PKNOX2: variants seen among roughly 807,000 people sequenced by gnomAD.
The protein encoded by PKNOX2 is PBX/knotted 1 homeobox 2, also known as homeobox protein PKNOX2.
A neutral mutation model predicts 53.1 loss-of-function variants in PKNOX2; 14 were observed. That is an observed-to-expected ratio of 0.26 (90% confidence interval 0.17 to 0.41). The LOEUF is 0.41. Among genes scored for constraint, PKNOX2 ranks in the 10% least tolerant of loss-of-function variants. The pLI is 1.00. For missense variants in PKNOX2, 496 were observed against 602.8 expected, an observed-to-expected ratio of 0.82 and a Z score of 1.85; for synonymous variants, 257 against 242.8, an observed-to-expected ratio of 1.06 and a Z score of -0.54.
intron 2 of PKNOX2, among the ~76,000 whole-genome samples, chr11:125,316,317 T>C (rs1949190297): frequency 6.6e-6 from 1 of 152,204 alleles, no homozygotes; most frequent in African/African-American, 2.4e-5. Flanking sequence ...TGTGGCCTTC[T>C]ATGCACTGGG....
At chr11:125,317,730 G>A (rs532903977) in intron 2 of PKNOX2, among the ~76,000 whole-genome samples, 3,391 of 152,224 alleles carry the variant, frequency 0.022, 127 homozygotes, top group African/African-American at 0.075. Flanking sequence ...AGCAGATTTA[G>A]CATCATTCTT....
intron 2 of PKNOX2, among the ~76,000 whole-genome samples, chr11:125,241,916 T>C (rs981576217): frequency 6.6e-6 from 1 of 151,938 alleles, no homozygotes; most frequent in African/African-American, 2.4e-5. Context: ...GAAGGATGAA[T>C]GTATGATTCA....
At chr11:125,262,331 G>C (rs1005619474) in intron 2 of PKNOX2, among the ~76,000 whole-genome samples, 1 of 152,186 alleles carries the variant, frequency 6.6e-6, no homozygotes, top group African/African-American at 2.4e-5. Context: ...AAGGACGCTT[G>C]TGTTCTGGCA....
chr11:125,392,180 A>ATGTT (rs1286007679), intron 6 of PKNOX2, among the ~76,000 whole-genome samples: 1 of 152,268 alleles, frequency 6.6e-6, no homozygotes, highest in Non-Finnish European at 1.5e-5. Flanking sequence ...TTTATAAAGC[A>ATGTT]TGTTTACATC....
chr11:125,286,544 C>T (rs1946910330), intron 2 of PKNOX2, among the ~76,000 whole-genome samples: 1 of 152,216 alleles, frequency 6.6e-6, no homozygotes, highest in Admixed American at 6.5e-5. Flanking sequence ...CCCCTTGGCC[C>T]TATGCCACCC....
chr11:125,381,806 G>C (rs576304953), intron 5 of PKNOX2, among the ~76,000 whole-genome samples: 2 of 152,310 alleles, frequency 1.3e-5, no homozygotes, highest in South Asian at 4.1e-4. Flanking sequence ...GCTCATTCCT[G>C]TCTCAAATGC....
intron 7 of PKNOX2, 55 bp from the exon 8 acceptor site, chr11:125,410,141 G>A: frequency 1.3e-6 from 2 of 1,595,676 alleles, no homozygotes; most frequent in Middle Eastern, 1.7e-4. Context: ...CTCTGGGGCT[G>A]TAGGGTCTAA....
At chr11:125,191,437 G>C (rs1956872748) in intron 1 of PKNOX2, 1 of 152,242 alleles carries the variant, frequency 6.6e-6, no homozygotes, top group Non-Finnish European at 1.5e-5. Context: ...ACGTCCAAGA[G>C]GTGCAAACTT....
intron 1 of PKNOX2, among the ~76,000 whole-genome samples, chr11:125,206,562 G>A (rs900335556): frequency 7.9e-5 from 12 of 152,082 alleles, no homozygotes; most frequent in African/African-American, 2.9e-4. Flanking sequence ...CCCCTGAAGA[G>A]GCAGCATGAA....
In PKNOX2 at chr11:125,308,537, G is replaced by C. The variant is rs1948604876; in HGVS notation, c.-129-23282G>C. ...AGCAGCTCCCCGGAATGCAGGGCCAGATTTATTACACCAGCAAAGGAGATG... is the reference window on the plus strand; with the variant it reads ...AGCAGCTCCCCGGAATGCAGGGCCACATTTATTACACCAGCAAAGGAGATG... On this transcript the variant is annotated intron_variant, in intron 2 of 12. Coordinates refer to ENST00000298282, the MANE Select transcript of PKNOX2 (RefSeq NM_001382323.2). Among the ~76,000 whole-genome samples the C allele has an allele frequency of 2.0e-5, 3 of 152,194 alleles. No homozygotes were observed. The South Asian group carries it at 6.2e-4, about 32-fold the overall frequency.
At chr11:125,233,033 A>G (rs187834766) in intron 1 of PKNOX2, among the ~76,000 whole-genome samples, 3 of 152,084 alleles carry the variant, frequency 2.0e-5, no homozygotes, top group African/African-American at 7.2e-5. Context: ...AAGTAATGAG[A>G]TTGTGGGCAT....
intron 10 of PKNOX2, among the ~76,000 whole-genome samples, chr11:125,412,841 C>T (rs903528980): frequency 3.9e-5 from 6 of 152,104 alleles, no homozygotes; most frequent in African/African-American, 1.2e-4. Context: ...GGAGAAAAAT[C>T]GAATGGGCCA....
intron 1 of PKNOX2, among the ~76,000 whole-genome samples, chr11:125,214,536 A>G (rs995310940): frequency 6.6e-6 from 1 of 152,070 alleles, no homozygotes; most frequent in Non-Finnish European, 1.5e-5. Flanking sequence ...CCTCCACCTA[A>G]GACAAATCTT....
intron 10 of PKNOX2, among the ~76,000 whole-genome samples, chr11:125,427,237 C>T (rs898267380): frequency 1.2e-4 from 18 of 152,212 alleles, no homozygotes; most frequent in African/African-American, 1.9e-4. Flanking sequence ...ATCCTGCCTC[C>T]GCTCCTTCCC....
intron 2 of PKNOX2, among the ~76,000 whole-genome samples, chr11:125,327,198 C>T (rs1353726071): frequency 6.6e-6 from 1 of 152,168 alleles, no homozygotes; most frequent in African/African-American, 2.4e-5. Context: ...TTATCCAACT[C>T]ATCTGCAAAA....
chr11:125,304,536 C>A (rs1182739720), intron 2 of PKNOX2, among the ~76,000 whole-genome samples: 1 of 152,246 alleles, frequency 6.6e-6, no homozygotes, highest in Non-Finnish European at 1.5e-5. Flanking sequence ...GGTACACCTG[C>A]TTTTAATCCT....
chr11:125,215,605 C>T (rs545895808), intron 1 of PKNOX2, among the ~76,000 whole-genome samples: 8 of 151,976 alleles, frequency 5.3e-5, no homozygotes, highest in South Asian at 4.2e-4. Context: ...TACAAAAATT[C>T]GCCAGGCATA....
chr11:125,187,680 A>G (rs1956541052), intron 1 of PKNOX2, among the ~76,000 whole-genome samples: 1 of 150,566 alleles, frequency 6.6e-6, no homozygotes, highest in Non-Finnish European at 1.5e-5. Flanking sequence ...TTTTTTCCTA[A>G]TTACTCTGGC....
chr11:125,236,557 C>T (rs945713199), intron 2 of PKNOX2, among the ~76,000 whole-genome samples: 1 of 152,170 alleles, frequency 6.6e-6, no homozygotes, highest in East Asian at 1.9e-4. Flanking sequence ...CGCATCCCCC[C>T]GATCCCTGAG....
Sources: gnomAD v4.1 joint callset for allele counts (sites outside exome capture counted in the v4.1 genomes callset) on GRCh38, gnomAD v4.1.1 for gene constraint, MANE v1.5 for transcripts, NCBI Gene and HGNC (gene_info 2026-07-23, HGNC 2026-07-21) for gene names.